Variants in COG7 observed in about 807,000 individuals in gnomAD.
COG7 encodes the protein component of oligomeric golgi complex 7.
Under a neutral mutation model 91.5 loss-of-function variants are expected in COG7, and 49 were observed. The ratio of observed to expected loss-of-function variants is 0.54; its 90% CI spans 0.43 to 0.68. The LOEUF is 0.68. Among genes scored for constraint, COG7 ranks in the 30% least tolerant of loss-of-function variants. The probability of loss-of-function intolerance (pLI) is 0.00; values close to 1 mark genes in which losing one functional copy is unlikely to be tolerated. For missense variants in COG7, 895 were observed against 961.3 expected (o/e 0.93, Z 0.91); for synonymous variants, 365 against 388.7 (o/e 0.94, Z 0.72).
chr16:23,438,010 G>A (rs250557), intron 4 of COG7, among the ~76,000 whole-genome samples: 42,807 of 150,592 alleles, frequency 0.28, 6,853 homozygotes, highest in African/African-American at 0.44. Flanking sequence ...GCTTGAACCC[G>A]GGAGGCAGAG....
At chr16:23,452,669 C>T (rs1596963910) in intron 1 of COG7, 157 bp downstream of exon 1, 1 of 1,441,300 alleles carries the variant, frequency 6.9e-7, no homozygotes, top group Admixed American at 2.6e-5. Context: ...GCTGAGACTC[C>T]CGCTGACGTG....
rs1963416532 is a variant in COG7, at chr16:23,403,796, A to G, written c.1701T>C (p.Pro567=). 1 of 1,614,118 alleles carries G rather than the reference A, an allele frequency of 6.2e-7. No homozygotes were observed. The highest frequency in any genetic ancestry group is 1.3e-5 in the African/African-American group (1 of 74,932). ...GSSNHNLLAA[P]RAALTRLNQQ... ...GGTTAAGCCGAGTCAGCGCTGCTCGAGGTGCAGCCAGCAGGTTGTGGTTGC... is the reference window on the plus strand; with the variant it reads ...GGTTAAGCCGAGTCAGCGCTGCTCGGGGTGCAGCCAGCAGGTTGTGGTTGC... Residue 567 remains proline (P), a synonymous_variant, in exon 13 of 17, where the codon CCT becomes CCC. Transcript: ENST00000307149.
At chr16:23,415,002 A>G (rs936971141) in intron 9 of COG7, 1 of 152,258 alleles carries the variant, frequency 6.6e-6, no homozygotes, top group African/African-American at 2.4e-5. Flanking sequence ...CAGGCCACTC[A>G]ATGAACCAAC....
At chr16:23,390,224 C>CA (rs1963170659) in intron 16 of COG7, 1 of 136,598 alleles carries the variant, frequency 7.3e-6, no homozygotes, top group African/African-American at 2.7e-5. Context: ...TTTTCTGAGA[C>CA]AGAGTTTCAC....
chr16:23,448,206 TA>T (rs923757945), intron 1 of COG7, among the ~76,000 whole-genome samples: 1 of 152,172 alleles, frequency 6.6e-6, no homozygotes, highest in Non-Finnish European at 1.5e-5. Flanking sequence ...GCCTAAGGGA[TA>T]AAAGCCAAAC....
intron 16 of COG7, chr16:23,390,147 T>G (rs1044473864): frequency 6.6e-6 from 1 of 151,780 alleles, no homozygotes; most frequent in Non-Finnish European, 1.5e-5. Flanking sequence ...AGTTCATGCT[T>G]GGAAAGACTA....
At chr16:23,437,179 C>T (rs1188790346) in intron 4 of COG7, among the ~76,000 whole-genome samples, 1 of 152,154 alleles carries the variant, frequency 6.6e-6, no homozygotes, top group African/African-American at 2.4e-5. Context: ...CAAATTTGTG[C>T]ACAAAAGCTG....
chr16:23,406,321 G>C, intron 11 of COG7, 59 bp from the exon 12 acceptor site: 2 of 1,424,622 alleles, frequency 1.4e-6, no homozygotes, highest in Non-Finnish European at 2.0e-6. Flanking sequence ...TTTCTTCTTG[G>C]AGCAGTCAGA....
chr16:23,399,449 G>A (rs1294243628), intron 13 of COG7, among the ~76,000 whole-genome samples: 1 of 152,154 alleles, frequency 6.6e-6, no homozygotes, highest in Non-Finnish European at 1.5e-5. Context: ...GCTAAGCTTT[G>A]CAGAGAAGAG....
At chr16:23,436,640 C>T (rs1440193205) in intron 4 of COG7, among the ~76,000 whole-genome samples, 2 of 151,998 alleles carry the variant, frequency 1.3e-5, no homozygotes, top group African/African-American at 4.8e-5. Flanking sequence ...GAAGCTGAGG[C>T]GCTTGAACCC....
Position 23,424,868 on chromosome 16 carries a change from C to T in COG7, c.890G>A (p.Cys297Tyr), listed in dbSNP as rs1225046891. The T allele has an allele frequency of 2.5e-6, 4 of 1,614,232 alleles. No individual in the cohort carries two copies. The South Asian group carries it at 3.3e-5, about 13-fold the overall frequency. The part of the protein sequence containing the change: ...LGALMPSLPS[C>Y]LSNGVERAGP... ...TGCCCTCTCCACGCCGTTGCTGAGG[C>T]AGGAGGGCAGCGAGGGCATGAGGGC... is the stretch of plus-strand genomic sequence containing the variant. The change falls in exon 7 of 17, where the codon TGC becomes TAC. Residue 297 changes from cysteine (C) to tyrosine (Y), a missense_variant. Transcript: ENST00000307149.
chr16:23,452,676 C>G, intron 1 of COG7, 150 bp downstream of exon 1: 1 of 1,445,060 alleles, frequency 6.9e-7, no homozygotes, highest in Non-Finnish European at 9.1e-7. Context: ...CTCCCGCTGA[C>G]GTGATCAGGA....
In COG7 at chr16:23,422,068, G is replaced by A. The variant is rs574035427; in HGVS notation, c.1009+2681C>T. 1.3e-3 allele frequency among the ~76,000 whole-genome samples: 197 copies of A among 152,206 alleles called. 1 individual carries two copies. The highest frequency in any genetic ancestry group is 9.1e-3 in the South Asian group (44 of 4,816). On this transcript the variant is annotated intron_variant, in intron 7 of 16. Transcript: ENST00000307149. Reference sequence around the variant, plus strand: ...CTCACACCTGTAATCCCAGCACTTTGAGAGGCCAAGGCAGGAGAATCACTT... The same window carrying A: ...CTCACACCTGTAATCCCAGCACTTTAAGAGGCCAAGGCAGGAGAATCACTT...
chr16:23,421,847 T>C (rs1280982815), intron 7 of COG7, among the ~76,000 whole-genome samples: 1 of 122,634 alleles, frequency 8.2e-6, no homozygotes, highest in Non-Finnish European at 1.6e-5. Context: ...TGAGACTCCA[T>C]CTCAAAAAAA....
intron 9 of COG7, chr16:23,415,659 C>T (rs745750644): frequency 6.6e-6 from 1 of 152,312 alleles, no homozygotes; most frequent in African/African-American, 2.4e-5. Flanking sequence ...AAGGTCCCCA[C>T]TAGTAAGTGT....
intron 6 of COG7, among the ~76,000 whole-genome samples, chr16:23,426,157 A>C (rs2142082304): frequency 6.6e-6 from 1 of 152,348 alleles, no homozygotes; most frequent in Non-Finnish European, 1.5e-5. Context: ...CAGAGATTGC[A>C]GTGAGCTGAG....
At chr16:23,398,925 G>C (rs1392480702) in intron 13 of COG7, among the ~76,000 whole-genome samples, 3 of 152,174 alleles carry the variant, frequency 2.0e-5, no homozygotes. Flanking sequence ...TAAAGGACCT[G>C]TGCACATGTG....
chr16:23,444,226 T>A (rs1377240281), intron 3 of COG7, among the ~76,000 whole-genome samples: 1 of 152,066 alleles, frequency 6.6e-6, no homozygotes, highest in African/African-American at 2.4e-5. Context: ...TATTCCTGTG[T>A]AATAAATTTG....
chr16:23,434,820 A>G, intron 4 of COG7, 102 bp from the exon 5 acceptor site: 1 of 776,150 alleles, frequency 1.3e-6, no homozygotes, highest in Non-Finnish European at 2.3e-6. Context: ...GCTAGTATTC[A>G]CAAGTTCCTG....
Sources: gnomAD v4.1 joint callset for allele counts (sites outside exome capture counted in the v4.1 genomes callset) on GRCh38, gnomAD v4.1.1 for gene constraint, MANE v1.5 for transcripts, NCBI Gene and HGNC (gene_info 2026-07-23, HGNC 2026-07-21) for gene names.